MYO16: variants seen among roughly 807,000 people sequenced by gnomAD.
MYO16 encodes myosin XVI.
MYO16 carries 94 observed loss-of-function variants against 205.3 expected under a neutral mutation model. The ratio of observed to expected loss-of-function variants is 0.46; its 90% CI spans 0.39 to 0.54. The LOEUF (loss-of-function observed/expected upper bound fraction) is 0.54. MYO16 is among the 20% of genes least tolerant of loss of function. MYO16 has a pLI of 0.00. For synonymous variants in MYO16, 988 were observed against 954.0 expected, an observed-to-expected ratio of 1.04 and a Z score of -0.66; for missense variants, 2,315 against 2,387.5, an observed-to-expected ratio of 0.97 and a Z score of 0.63.
At chr13:108,844,294 T>G (rs756795469) in intron 9 of MYO16, 49 bp from the exon 10 acceptor site, 2 of 1,515,372 alleles carry the variant, frequency 1.3e-6, no homozygotes, top group Non-Finnish European at 1.8e-6. Context: ...TTTCGATTGA[T>G]AAAACATTAG....
chr13:108,576,903 G>A, the MYO16 span, among the ~76,000 whole-genome samples: 13 of 152,208 alleles, frequency 8.5e-5, 1 homozygote, highest in Middle Eastern at 0.01. Flanking sequence ...TGGGACTACA[G>A]GCATACGCCA....
At chr13:109,031,959 A>G (rs995853506) in intron 23 of MYO16, among the ~76,000 whole-genome samples, 1 of 152,166 alleles carries the variant, frequency 6.6e-6, no homozygotes, top group Non-Finnish European at 1.5e-5. Context: ...TGGCCTAGAA[A>G]GTGCCTTTTT....
At chr13:108,526,604 C>T in the MYO16 span, among the ~76,000 whole-genome samples, 1,419 of 152,090 alleles carry the variant, frequency 9.3e-3, 24 homozygotes, top group African/African-American at 0.032. Context: ...TCTTTACAAA[C>T]GAAATCATTT....
At chr13:108,837,542 G>A (rs1047502834) in intron 9 of MYO16, among the ~76,000 whole-genome samples, 1 of 152,134 alleles carries the variant, frequency 6.6e-6, no homozygotes, top group Admixed American at 6.5e-5. Flanking sequence ...CAAAACTGTA[G>A]GGCTTGATAC....
intron 12 of MYO16, among the ~76,000 whole-genome samples, chr13:108,882,761 C>T (rs2139166258): frequency 6.6e-6 from 1 of 152,230 alleles, no homozygotes; most frequent in East Asian, 1.9e-4. Context: ...CAGCTTACTG[C>T]ACAGATATCT....
intron 27 of MYO16, among the ~76,000 whole-genome samples, chr13:109,062,308 G>A (rs904262197): frequency 6.6e-6 from 1 of 152,020 alleles, no homozygotes; most frequent in Non-Finnish European, 1.5e-5. Flanking sequence ...GTGCATTGTC[G>A]GTGTTTAACA....
At chr13:109,006,199 GTTCT>G (rs1372700863) in intron 21 of MYO16, among the ~76,000 whole-genome samples, 1 of 152,094 alleles carries the variant, frequency 6.6e-6, no homozygotes, top group African/African-American at 2.4e-5. Context: ...AACCCAGGAA[GTTCT>G]TTCTTTTCTG....
intron 28 of MYO16, among the ~76,000 whole-genome samples, chr13:109,107,940 A>C (rs995914296): frequency 6.6e-6 from 1 of 151,740 alleles, no homozygotes. Flanking sequence ...TTTTTGTTAT[A>C]AAAGTAGTAT....
intron 9 of MYO16, among the ~76,000 whole-genome samples, chr13:108,839,442 A>G (rs1369366661): frequency 6.6e-6 from 1 of 152,118 alleles, no homozygotes; most frequent in East Asian, 1.9e-4. Flanking sequence ...ATTAATAACT[A>G]TACTATTGAG....
At position 109,019,830 on chromosome 13, in the gene MYO16, C is replaced by A; in HGVS notation, c.2715C>A (p.Tyr905Ter). 1 of 1,614,134 alleles carries A rather than the reference C, an allele frequency of 6.2e-7. No individual in the cohort carries two copies. The highest frequency in any genetic ancestry group is 8.5e-7 in the Non-Finnish European group (1 of 1,179,996). Reference sequence around the variant, plus strand: ...AATCCTCAAACACAAATGCGGTGTACTCCCCCATGAAGGATGGGAATGGGA... The same window carrying A: ...AATCCTCAAACACAAATGCGGTGTAATCCCCCATGAAGGATGGGAATGGGA... ...LLESSNTNAV[Y>*]SPMKDGNGNV... is the part of the protein sequence containing the mutation. Residue 905 changes from tyrosine to a stop codon, truncating the protein, a stop_gained, in exon 23 of 35, where the codon TAC becomes TAA. Coordinates refer to ENST00000457511, the MANE Select transcript of MYO16 (RefSeq NM_001198950.3). LOFTEE classifies it high-confidence loss of function.
intron 16 of MYO16, among the ~76,000 whole-genome samples, chr13:108,957,215 C>G (rs903499674): frequency 6.6e-6 from 1 of 151,852 alleles, no homozygotes; most frequent in African/African-American, 2.4e-5. Flanking sequence ...GAAACCCCGT[C>G]TCTACTAAAA....
intron 15 of MYO16, among the ~76,000 whole-genome samples, chr13:108,907,530 T>G (rs1881049108): frequency 6.6e-6 from 1 of 152,182 alleles, no homozygotes; most frequent in Admixed American, 6.5e-5. Flanking sequence ...ACCGTTTCAC[T>G]TCAGACACAA....
At chr13:108,805,949 T>TAAATAAATAAATAAATAA (rs879814386) in intron 6 of MYO16, among the ~76,000 whole-genome samples, 1 of 151,002 alleles carries the variant, frequency 6.6e-6, no homozygotes, top group Non-Finnish European at 1.5e-5. Flanking sequence ...AATAAATAAA[T>TAAATAAATAAATAAATAA]AAATAAATAA....
At chr13:108,840,386 G>A (rs1215875049) in intron 9 of MYO16, among the ~76,000 whole-genome samples, 1 of 152,088 alleles carries the variant, frequency 6.6e-6, no homozygotes, top group Admixed American at 6.5e-5. Flanking sequence ...CATAGAGATG[G>A]GCTGCAAAGT....
chr13:109,029,331 T>C (rs1242263610), intron 23 of MYO16, among the ~76,000 whole-genome samples: 1 of 152,002 alleles, frequency 6.6e-6, no homozygotes, highest in Non-Finnish European at 1.5e-5. Flanking sequence ...CTTGAACTCC[T>C]GACCTCAGGT....
intron 34 of MYO16, among the ~76,000 whole-genome samples, chr13:109,181,391 T>A (rs989279524): frequency 6.6e-6 from 1 of 152,266 alleles, no homozygotes; most frequent in Non-Finnish European, 1.5e-5. Flanking sequence ...AATTTATTGC[T>A]CATGTGACAT....
At chr13:108,683,722 T>C (rs190028054) in intron 2 of MYO16, among the ~76,000 whole-genome samples, 27 of 152,360 alleles carry the variant, frequency 1.8e-4, no homozygotes, top group African/African-American at 6.3e-4. Flanking sequence ...AACACAATTT[T>C]ACATCCCATT....
intron 9 of MYO16, among the ~76,000 whole-genome samples, chr13:108,835,379 C>G (rs752598590): frequency 1.3e-5 from 2 of 152,188 alleles, no homozygotes; most frequent in East Asian, 1.9e-4. Context: ...TTTCCTGAGG[C>G]CTCTTCAGCC....
At chr13:108,520,619 C>T in the MYO16 span, among the ~76,000 whole-genome samples, 2 of 146,012 alleles carry the variant, frequency 1.4e-5, no homozygotes, top group African/African-American at 5.4e-5. Flanking sequence ...TATTGACAAT[C>T]CGATACATTT....
Sources: gnomAD v4.1 joint callset for allele counts (sites outside exome capture counted in the v4.1 genomes callset) on GRCh38, gnomAD v4.1.1 for gene constraint, MANE v1.5 for transcripts, NCBI Gene and HGNC (gene_info 2026-07-23, HGNC 2026-07-21) for gene names.